The following DMXL1 variants were observed in gnomAD, a reference collection of about 807,000 sequenced individuals.
DMXL1 encodes the protein dmX-like protein 1.
A neutral mutation model predicts 319.2 loss-of-function variants in DMXL1; 99 were observed. The observed-to-expected ratio is 0.31, with a 90% confidence interval of 0.26 to 0.37. DMXL1 has a LOEUF of 0.37. Among genes scored for constraint, DMXL1 ranks in the 10% least tolerant of loss-of-function variants. The probability of loss-of-function intolerance (pLI) is 1.00; values close to 1 mark genes in which losing one functional copy is unlikely to be tolerated. For missense variants in DMXL1, 3,745 were observed against 3,595.6 expected, an observed-to-expected ratio of 1.04 and a Z score of -1.06; for synonymous variants, 1,385 against 1,235.2, an observed-to-expected ratio of 1.12 and a Z score of -2.54.
intron 4 of DMXL1, 116 bp from the exon 5 acceptor site, chr5:119,110,035 A>AT (rs1759227650): frequency 1.3e-5 from 12 of 903,242 alleles, no homozygotes; most frequent in East Asian, 2.9e-5. Flanking sequence ...GTTCTTCAAA[A>AT]TTTTTTTTGA....
chr5:119,193,300 A>G (rs999472595), intron 29 of DMXL1, among the ~76,000 whole-genome samples: 2 of 152,148 alleles, frequency 1.3e-5, no homozygotes, highest in African/African-American at 4.8e-5. Context: ...TGATCAAACT[A>G]CTATTTTCAA....
rs1029200005 is a variant in DMXL1 at position 119,107,465 on chromosome 5, C to G, written c.364+2207C>G. On this transcript the variant is annotated intron_variant, in intron 4 of 43. Transcript: ENST00000539542. ...ATTTAATATTTTATGTTGCCTAATTCATAAGATTTTCTGTTTTAGACTTTT... is the reference window on the plus strand; with the variant it reads ...ATTTAATATTTTATGTTGCCTAATTGATAAGATTTTCTGTTTTAGACTTTT... 9.9e-5 allele frequency among the ~76,000 whole-genome samples: 15 copies of G among 152,012 alleles called. 1 individual carries two copies. The highest frequency in any genetic ancestry group is 2.9e-5 in the Non-Finnish European group (2 of 67,990).
intron 3 of DMXL1, among the ~76,000 whole-genome samples, chr5:119,104,482 G>C (rs1341995161): frequency 6.6e-6 from 1 of 152,180 alleles, no homozygotes; most frequent in African/African-American, 2.4e-5. Flanking sequence ...TTGTACCAAA[G>C]TTTGAGAGCC....
rs769621118 is a variant in DMXL1, at chr5:119,133,146, G to T, written c.1330G>T (p.Val444Phe). ...VKSDEETDDG[V>F]DDLKINPEKK... is the part of the protein sequence containing the mutation. ...TTTGCTTATAGAAACTGATGATGGT[G>T]TTGATGATCTGAAAATAAATCCCGA... is the stretch of plus-strand genomic sequence containing the variant. Residue 444 changes from valine to phenylalanine, a missense_variant, in exon 11 of 44, where the codon GTT (valine) becomes TTT (phenylalanine). This residue lies in a region of DMXL1 where 2,096 missense variants were observed against 1,985.4 expected (regional missense o/e 1.06). Transcript: ENST00000539542. 14 of 1,613,902 alleles carry T rather than the reference G, an allele frequency of 8.7e-6. No individual in the cohort carries two copies. The South Asian group carries it at 1.5e-4, about 18-fold the overall frequency.
chr5:119,162,580 G>A (rs769937919), intron 19 of DMXL1, among the ~76,000 whole-genome samples: 1 of 152,106 alleles, frequency 6.6e-6, no homozygotes, highest in Non-Finnish European at 1.5e-5. Flanking sequence ...ATTCACGAGG[G>A]CAATGGCTAG....
chr5:119,192,767 C>T (rs1778919709), intron 29 of DMXL1, among the ~76,000 whole-genome samples: 1 of 152,054 alleles, frequency 6.6e-6, no homozygotes, highest in Non-Finnish European at 1.5e-5. Flanking sequence ...CTTCTTTCTT[C>T]ATCCTTCCTC....
chr5:119,180,057 A>G (rs1315871958), intron 28 of DMXL1, among the ~76,000 whole-genome samples: 1 of 152,214 alleles, frequency 6.6e-6, no homozygotes, highest in Non-Finnish European at 1.5e-5. Flanking sequence ...CTAAGAAAAC[A>G]TTATTTATTT....
intron 6 of DMXL1, among the ~76,000 whole-genome samples, chr5:119,115,454 A>G (rs972016185): frequency 2.0e-5 from 3 of 152,230 alleles, no homozygotes; most frequent in African/African-American, 4.8e-5. Flanking sequence ...CGAGCTGCTA[A>G]TAAGTCAAAT....
At chr5:119,081,040 G>A (rs1171019763) in intron 1 of DMXL1, among the ~76,000 whole-genome samples, 1 of 152,118 alleles carries the variant, frequency 6.6e-6, no homozygotes, top group Non-Finnish European at 1.5e-5. Flanking sequence ...TTTTTCAGAT[G>A]TTACCCACTA....
Position 119,244,371 on chromosome 5 carries a change from A to G in DMXL1, c.8717A>G (p.His2906Arg). 6.2e-7 allele frequency: 1 copy of G among 1,613,458 alleles called. No individual in the cohort carries two copies. Among genetic ancestry groups the G allele is most frequent in the East Asian group, 2.2e-5 (1 of 44,854 alleles). ...AATTTACTTTCAGCATTTACCTGCC[A>G]TGACAGTGGAGCCACAGTTTTAGCA... ...ANSLVHAFTC[H>R]DSGATVLAYA... The change falls in exon 43 of 44, where the codon CAT (histidine) becomes CGT (arginine). Residue 2906 changes from histidine to arginine, a missense_variant. His to Arg is a conservative substitution (Grantham distance 29). Transcript: ENST00000539542.
In DMXL1 at chr5:119,170,673, A is replaced by G. The variant is rs1400446031; in HGVS notation, c.5882A>G (p.Asp1961Gly). ...DWSQPSVVFQDDSLELKWDSD... is the reference protein window; with the variant it reads ...DWSQPSVVFQGDSLELKWDSD... ...AGCCAACCAAGTGTTGTGTTTCAGG[A>G]TGACTCTTTAGAGTTAAAATGGGAC... Residue 1961 changes from aspartate to glycine, a missense_variant, in exon 24 of 44, where the codon GAT becomes GGT. Physicochemically the swap from Asp to Gly is moderately conservative, Grantham distance 94. This residue lies in a region of DMXL1 where 1,382 missense variants were observed against 1,269.5 expected (regional missense o/e 1.09). Coordinates refer to ENST00000539542, the MANE Select transcript of DMXL1 (RefSeq NM_001290321.3). The G allele has an allele frequency of 4.3e-6, 7 of 1,613,600 alleles. No homozygotes were observed. The highest frequency in any genetic ancestry group is 2.7e-5 in the African/African-American group (2 of 74,804).
intron 41 of DMXL1, among the ~76,000 whole-genome samples, chr5:119,239,529 G>A (rs1788373317): frequency 1.3e-5 from 2 of 152,166 alleles, no homozygotes. Flanking sequence ...ATGTATGTCA[G>A]TCCAACTGTT....
chr5:119,113,909 G>T (rs796866836), intron 5 of DMXL1, among the ~76,000 whole-genome samples: 3 of 152,312 alleles, frequency 2.0e-5, no homozygotes, highest in African/African-American at 7.2e-5. Flanking sequence ...CAGTGATAGT[G>T]GTGAGTGTCT....
intron 19 of DMXL1, among the ~76,000 whole-genome samples, chr5:119,159,939 C>G (rs1470280023): frequency 6.6e-6 from 1 of 152,168 alleles, no homozygotes; most frequent in African/African-American, 2.4e-5. Flanking sequence ...TTTTCTTAAT[C>G]TTGCTAAGGA....
At chr5:119,166,809 T>G in intron 22 of DMXL1, 28 bp downstream of exon 22, 1 of 1,557,298 alleles carries the variant, frequency 6.4e-7, no homozygotes, top group African/African-American at 1.4e-5. Flanking sequence ...AATAACAAAG[T>G]ATAGCAATGT....
intron 4 of DMXL1, among the ~76,000 whole-genome samples, chr5:119,108,117 G>T (rs933295211): frequency 2.6e-5 from 4 of 152,052 alleles, no homozygotes; most frequent in Admixed American, 2.6e-4. Flanking sequence ...AATCCCAGCA[G>T]TTTGGGAGGC....
intron 9 of DMXL1, 95 bp downstream of exon 9, chr5:119,121,234 T>C (rs1761977368): frequency 9.4e-7 from 1 of 1,058,500 alleles, no homozygotes; most frequent in Non-Finnish European, 1.3e-6. Flanking sequence ...AAGTAAAATA[T>C]TGGAGGTGAC....
intron 19 of DMXL1, among the ~76,000 whole-genome samples, chr5:119,155,909 G>A (rs868321019): frequency 6.6e-6 from 1 of 151,894 alleles, no homozygotes. Context: ...TTCTTAAGGT[G>A]GAATCTATTC....
chr5:119,076,442 G>T (rs1263192681), intron 1 of DMXL1, among the ~76,000 whole-genome samples: 1 of 151,880 alleles, frequency 6.6e-6, no homozygotes, highest in Non-Finnish European at 1.5e-5. Flanking sequence ...CTTTTTTGGT[G>T]GGGAGAATAT....
Sources: gnomAD v4.1 joint callset for allele counts (sites outside exome capture counted in the v4.1 genomes callset) on GRCh38, gnomAD v4.1.1 for gene constraint, gnomAD v4.1.1 regional missense constraint, MANE v1.5 for transcripts, NCBI Gene and HGNC (gene_info 2026-07-23, HGNC 2026-07-21) for gene names.